AOPEP: variants seen among roughly 807,000 people sequenced by gnomAD.
AOPEP encodes aminopeptidase O.
A neutral mutation model predicts 98.1 loss-of-function variants in AOPEP; 77 were observed. The ratio of observed to expected loss-of-function variants is 0.78; its 90% CI spans 0.65 to 0.95. The LOEUF (loss-of-function observed/expected upper bound fraction) is 0.95. Ranked by LOEUF, AOPEP falls within the 40% of genes least tolerant of loss-of-function variation. AOPEP has a pLI of 0.00. For missense variants in AOPEP, 1,024 were observed against 1,024.7 expected (o/e 1.00, Z 0.01); for synonymous variants, 346 against 365.3 (o/e 0.95, Z 0.60).
the AOPEP span, among the ~76,000 whole-genome samples, chr9:95,093,207 T>C: frequency 6.6e-6 from 1 of 152,244 alleles, no homozygotes; most frequent in East Asian, 1.9e-4. Flanking sequence ...GCAGAGGACT[T>C]GCGTACAGGA....
At chr9:95,067,570 T>C (rs923888448) in intron 14 of AOPEP, among the ~76,000 whole-genome samples, 3 of 152,166 alleles carry the variant, frequency 2.0e-5, no homozygotes, top group African/African-American at 7.2e-5. Context: ...TGGCCTCGGC[T>C]CTCAGGGCAC....
intron 14 of AOPEP, among the ~76,000 whole-genome samples, chr9:95,072,856 T>G (rs902779275): frequency 6.6e-6 from 1 of 152,234 alleles, no homozygotes; most frequent in Non-Finnish European, 1.5e-5. Context: ...TGTGCCATTT[T>G]TCTAGCATTG....
At chr9:95,035,096 T>C (rs2064676088) in intron 13 of AOPEP, among the ~76,000 whole-genome samples, 1 of 152,020 alleles carries the variant, frequency 6.6e-6, no homozygotes, top group Non-Finnish European at 1.5e-5. Context: ...GTTAGGTATT[T>C]CTCCTAATGC....
chr9:94,945,623 C>T (rs965375646), intron 7 of AOPEP, among the ~76,000 whole-genome samples: 1 of 152,154 alleles, frequency 6.6e-6, no homozygotes, highest in Non-Finnish European at 1.5e-5. Flanking sequence ...GTGCTGTCCT[C>T]CACTGAGGAG....
chr9:95,041,017 G>A, intron 13 of AOPEP, among the ~76,000 whole-genome samples: 1 of 147,690 alleles, frequency 6.8e-6, no homozygotes. Flanking sequence ...CATAATCAGG[G>A]AGTTCCATGA....
chr9:94,926,998 A>G (rs1055131801), intron 6 of AOPEP, among the ~76,000 whole-genome samples: 1 of 152,142 alleles, frequency 6.6e-6, no homozygotes, highest in Admixed American at 6.5e-5. Flanking sequence ...AATACCAGAG[A>G]CTGGGTGAAT....
chr9:95,079,616 G>T (rs2069497318), intron 14 of AOPEP, among the ~76,000 whole-genome samples: 1 of 152,210 alleles, frequency 6.6e-6, no homozygotes, highest in Non-Finnish European at 1.5e-5. Flanking sequence ...GAGCAATGCC[G>T]CCTGCTCCGG....
At position 94,792,651 on chromosome 9, in the gene AOPEP, T is replaced by C. The variant is rs139157852; in HGVS notation, c.965-114T>C. 69 of 994,750 alleles carry C rather than the reference T, an allele frequency of 6.9e-5. No homozygotes were observed. In the African/African-American group the frequency reaches 1.1e-3, roughly 15 times the overall value. 61.6% of individuals were successfully genotyped at this position (994,750 alleles called of 1,614,324 possible). A position where few individuals can be genotyped will look rare whatever the true frequency, so the allele number is the denominator to read the frequency against. On this transcript the variant is annotated intron_variant, in intron 3 of 16. Transcript: ENST00000375315. Reference sequence around the variant, plus strand: ...TGCTGACGTGACCGACCTCCAAGAGTTGGCTCTTACCAGCTTATCACAAAA... The same window carrying C: ...TGCTGACGTGACCGACCTCCAAGAGCTGGCTCTTACCAGCTTATCACAAAA...
intron 1 of AOPEP, among the ~76,000 whole-genome samples, chr9:94,730,888 G>C (rs1392123471): frequency 2.6e-5 from 4 of 152,156 alleles, no homozygotes; most frequent in Non-Finnish European, 2.9e-5. Context: ...TATGTACACT[G>C]AGAAATTTAT....
chr9:94,957,181 C>T (rs537810205), intron 9 of AOPEP, among the ~76,000 whole-genome samples: 3 of 152,206 alleles, frequency 2.0e-5, no homozygotes, highest in African/African-American at 7.2e-5. Context: ...CCAAACTGTT[C>T]AGTTCTTCGT....
intron 7 of AOPEP, 98 bp downstream of exon 7, chr9:94,928,629 T>A: frequency 1.2e-6 from 1 of 830,860 alleles, no homozygotes; most frequent in Non-Finnish European, 1.9e-6. Context: ...GTTTCCTTTT[T>A]AAATTAAGTT....
chr9:95,123,768 T>C, the AOPEP span: 1 of 698,942 alleles, frequency 1.4e-6, no homozygotes, highest in Non-Finnish European at 2.7e-6. Flanking sequence ...CACAGCAAAG[T>C]AGTCAGGAAT....
chr9:95,113,263 T>C, the AOPEP span, among the ~76,000 whole-genome samples: 3 of 152,194 alleles, frequency 2.0e-5, no homozygotes, highest in African/African-American at 4.8e-5. Context: ...GAGCTGGACA[T>C]AGGTGTGTCA....
the AOPEP span, among the ~76,000 whole-genome samples, chr9:95,134,106 G>C: frequency 3.3e-5 from 5 of 152,164 alleles, no homozygotes; most frequent in African/African-American, 4.8e-5. Flanking sequence ...GTACAGGTGA[G>C]AGCAGCGTGG....
At chr9:95,033,740 G>C (rs1469012771) in intron 13 of AOPEP, among the ~76,000 whole-genome samples, 2 of 152,084 alleles carry the variant, frequency 1.3e-5, no homozygotes, top group African/African-American at 2.4e-5. Flanking sequence ...CTTTGTCAGG[G>C]TTCAGCAAAT....
intron 2 of AOPEP, among the ~76,000 whole-genome samples, chr9:94,767,832 T>C (rs989601050): frequency 6.6e-6 from 1 of 152,220 alleles, no homozygotes; most frequent in Non-Finnish European, 1.5e-5. Context: ...GGACCTGCCA[T>C]GTATTCAGTA....
chr9:94,824,822 T>A (rs1044322046), intron 5 of AOPEP: 5 of 152,166 alleles, frequency 3.3e-5, no homozygotes, highest in Non-Finnish European at 5.9e-5. Context: ...CTCTTTACTT[T>A]TTGTAATACC....
At chr9:94,781,868 T>G (rs1158646368) in intron 3 of AOPEP, among the ~76,000 whole-genome samples, 6 of 151,028 alleles carry the variant, frequency 4.0e-5, no homozygotes, top group Non-Finnish European at 8.8e-5. Context: ...TAGAGTCTAA[T>G]TTAGTATATC....
At chr9:94,959,174 G>A (rs983426629) in intron 9 of AOPEP, among the ~76,000 whole-genome samples, 16 of 152,086 alleles carry the variant, frequency 1.1e-4, no homozygotes, top group Admixed American at 9.2e-4. Flanking sequence ...CTCCCGAGTA[G>A]CTGGGACTAC....
Sources: gnomAD v4.1 joint callset for allele counts (sites outside exome capture counted in the v4.1 genomes callset) on GRCh38, gnomAD v4.1.1 for gene constraint, MANE v1.5 for transcripts, NCBI Gene and HGNC (gene_info 2026-07-23, HGNC 2026-07-21) for gene names.